Variants in PPP3CB observed in about 807,000 individuals in gnomAD.
PPP3CB encodes the protein serine/threonine-protein phosphatase 2B catalytic subunit beta isoform.
In PPP3CB, 8 loss-of-function variants were observed where a neutral mutation model predicts 66.4. That is an observed-to-expected ratio of 0.12 (90% CI 0.07 to 0.22). The LOEUF (loss-of-function observed/expected upper bound fraction) is 0.22, where lower values mean the gene tolerates loss of function less well. Among genes scored for constraint, PPP3CB ranks in the 10% least tolerant of loss-of-function variants. PPP3CB has a pLI of 1.00. For synonymous variants in PPP3CB, 208 were observed against 221.2 expected, an observed-to-expected ratio of 0.94 and a Z score of 0.53; for missense variants, 319 against 642.5, an observed-to-expected ratio of 0.50 and a Z score of 5.44.
At chr10:73,441,427 C>CG (rs2056146569) in intron 12 of PPP3CB, among the ~76,000 whole-genome samples, 1 of 150,990 alleles carries the variant, frequency 6.6e-6, no homozygotes, top group Non-Finnish European at 1.5e-5. Context: ...AGAGAGACCT[C>CG]ATCTCCCCCC....
chr10:73,487,686 A>G (rs926193850), intron 1 of PPP3CB, among the ~76,000 whole-genome samples: 3 of 151,928 alleles, frequency 2.0e-5, no homozygotes, highest in Non-Finnish European at 4.4e-5. Flanking sequence ...CAATGACAAT[A>G]TATTTATAGT....
chr10:73,444,516 A>C, intron 12 of PPP3CB: 1 of 1,460,820 alleles, frequency 6.8e-7, no homozygotes. Flanking sequence ...CATTATTTTC[A>C]ATTGAAAGGA....
intron 1 of PPP3CB, among the ~76,000 whole-genome samples, chr10:73,489,114 T>C (rs1449525971): frequency 6.6e-6 from 1 of 152,212 alleles, no homozygotes; most frequent in South Asian, 2.1e-4. Context: ...CAATTTAATC[T>C]AGCCCTAAAG....
chr10:73,461,743 A>G (rs1050758846), intron 9 of PPP3CB, among the ~76,000 whole-genome samples: 1 of 152,290 alleles, frequency 6.6e-6, no homozygotes, highest in East Asian at 1.9e-4. Flanking sequence ...ATATTTTGAT[A>G]TATCAGAAGG....
intron 12 of PPP3CB, among the ~76,000 whole-genome samples, chr10:73,443,410 A>T (rs1171575987): frequency 1.3e-5 from 2 of 152,198 alleles, no homozygotes; most frequent in Non-Finnish European, 2.9e-5. Flanking sequence ...TGTGAAGTCA[A>T]ATGTAAATTC....
chr10:73,494,789 T>C (rs1004973597), intron 1 of PPP3CB, among the ~76,000 whole-genome samples: 1 of 152,224 alleles, frequency 6.6e-6, no homozygotes, highest in African/African-American at 2.4e-5. Context: ...CAAAAGTACC[T>C]ATATTTTAAA....
chr10:73,453,991 A>T (rs1325292867), intron 10 of PPP3CB, among the ~76,000 whole-genome samples: 1 of 152,216 alleles, frequency 6.6e-6, no homozygotes, highest in Non-Finnish European at 1.5e-5. Flanking sequence ...ATTTAGAAGC[A>T]GTCTATTTTA....
At chr10:73,441,364 T>G (rs1411526488) in intron 12 of PPP3CB, among the ~76,000 whole-genome samples, 3 of 152,140 alleles carry the variant, frequency 2.0e-5, no homozygotes, top group Non-Finnish European at 4.4e-5. Flanking sequence ...CACTCTCGGA[T>G]GGCTGAGGTG....
intron 13 of PPP3CB, among the ~76,000 whole-genome samples, chr10:73,438,887 A>T (rs2056105447): frequency 6.6e-6 from 1 of 152,202 alleles, no homozygotes; most frequent in Admixed American, 6.5e-5. Context: ...GGGAGGAGAA[A>T]GAGTTAAAGA....
chr10:73,482,565 A>T (rs1163368034), intron 1 of PPP3CB, among the ~76,000 whole-genome samples: 1 of 149,142 alleles, frequency 6.7e-6, no homozygotes, highest in African/African-American at 2.5e-5. Flanking sequence ...AAAAAAAAAA[A>T]AGAGACTCAG....
intron 9 of PPP3CB, among the ~76,000 whole-genome samples, chr10:73,456,969 C>T (rs1305476965): frequency 6.6e-6 from 1 of 152,054 alleles, no homozygotes; most frequent in African/African-American, 2.4e-5. Context: ...GATGGTTACA[C>T]AACTCTAGAA....
In PPP3CB at chr10:73,493,972, G is replaced by GT. The variant is rs533777303; in HGVS notation, c.85+1832dup. On this transcript the variant is annotated intron_variant, in intron 1 of 13. Coordinates refer to ENST00000360663, the MANE Select transcript of PPP3CB (RefSeq NM_021132.4). ...ACAAGGAATAAGAAGATTCACAAAC[G>GT]TAAGGATAGCATAAACTCATTGTTC... 2.4e-3 allele frequency among the ~76,000 whole-genome samples: 360 copies of GT among 152,230 alleles called. 2 individuals carry two copies. The highest frequency in any genetic ancestry group is 3.9e-3 in the Non-Finnish European group (266 of 68,010).
At chr10:73,491,627 A>G (rs2057079326) in intron 1 of PPP3CB, among the ~76,000 whole-genome samples, 1 of 152,230 alleles carries the variant, frequency 6.6e-6, no homozygotes, top group Admixed American at 6.5e-5. Flanking sequence ...ACTAGCAAGA[A>G]ACACTGAAGT....
Position 73,478,548 on chromosome 10 carries a change from C to T in PPP3CB, c.362G>A (p.Arg121Gln), listed in dbSNP as rs199899901. ...CACATAATCGCCAAGAAAAAGGTAT[C>T]GTGTATTAGCAGGTGATCCTCCTAC... is the stretch of plus-strand genomic sequence containing the variant. ...FEVGGSPANT[R>Q]YLFLGDYVDR... The change falls in exon 3 of 14, where the codon CGA becomes CAA. Residue 121 changes from arginine to glutamine, a missense_variant. This residue lies in a region of PPP3CB where 51 missense variants were observed against 139.6 expected (regional missense o/e 0.37). Transcript: ENST00000360663. 3.1e-6 allele frequency: 5 copies of T among 1,609,430 alleles called. No homozygotes were observed. Among genetic ancestry groups the T allele is most frequent in the Admixed American group, 3.3e-5 (2 of 59,998 alleles).
intron 3 of PPP3CB, among the ~76,000 whole-genome samples, chr10:73,476,853 A>G (rs973895518): frequency 2.4e-4 from 36 of 151,988 alleles, no homozygotes; most frequent in African/African-American, 8.2e-4. Flanking sequence ...AGAACTCAAA[A>G]TAGCAAAATT....
chr10:73,444,903 G>T, intron 11 of PPP3CB, 81 bp from the exon 12 acceptor site: 1 of 1,335,708 alleles, frequency 7.5e-7, no homozygotes, highest in Non-Finnish European at 1.0e-6. Flanking sequence ...CTAGATATAG[G>T]CCATATATAA....
intron 10 of PPP3CB, among the ~76,000 whole-genome samples, chr10:73,452,892 A>G (rs1275912296): frequency 1.3e-5 from 2 of 152,208 alleles, no homozygotes; most frequent in African/African-American, 4.8e-5. Context: ...TTGTACTTTC[A>G]ACAAATGGGC....
chr10:73,444,716 C>T lies in PPP3CB; in HGVS notation c.1366+9G>A, dbSNP rs191220414. 6.2e-6 allele frequency: 10 copies of T among 1,614,158 alleles called. No homozygotes were observed. In the Admixed American group the frequency reaches 1.5e-4, roughly 24 times the overall value. Reference sequence around the variant, plus strand: ...ATCTGAGGCACAGCAAGTTGCATAACATCATTACCACTTTGCAGGGTCTGC... The same window carrying T: ...ATCTGAGGCACAGCAAGTTGCATAATATCATTACCACTTTGCAGGGTCTGC... On this transcript the variant is annotated intron_variant, in intron 12 of 13. Coordinates refer to ENST00000360663, the MANE Select transcript of PPP3CB (RefSeq NM_021132.4).
At chr10:73,473,786 G>C (rs557538914) in intron 4 of PPP3CB, among the ~76,000 whole-genome samples, 1 of 151,950 alleles carries the variant, frequency 6.6e-6, no homozygotes, top group East Asian at 1.9e-4. Flanking sequence ...AGAGAGAAAA[G>C]GGATAAACAT....
Sources: allele counts gnomAD v4.1 joint callset (sites outside exome capture counted in the v4.1 genomes callset), GRCh38; gene constraint gnomAD v4.1.1; regional missense constraint gnomAD v4.1.1; transcripts MANE v1.5; gene names NCBI Gene and HGNC (gene_info 2026-07-23, HGNC 2026-07-21).